TXNDC12: variants seen among roughly 807,000 people sequenced by gnomAD.
TXNDC12 encodes the protein thioredoxin domain-containing protein 12.
A neutral mutation model predicts 24.2 loss-of-function variants in TXNDC12; 22 were observed. That is an observed-to-expected ratio of 0.91 (90% CI 0.65 to 1.30). The LOEUF is 1.30. Among genes scored for constraint, TXNDC12 ranks in the 50% most tolerant of loss-of-function variants. The pLI, the probability that TXNDC12 is intolerant of heterozygous loss-of-function variation, is 0.00. For missense variants in TXNDC12, 184 were observed against 205.8 expected (o/e 0.89, Z 0.65); for synonymous variants, 58 against 73.4 (o/e 0.79, Z 1.07).
chr1:52,025,281 C>T (rs762767399), intron 4 of TXNDC12, among the ~76,000 whole-genome samples: 1 of 150,938 alleles, frequency 6.6e-6, no homozygotes, highest in African/African-American at 2.4e-5. Flanking sequence ...TGCAGTTGTG[C>T]GATCTCGGCC....
chr1:52,033,733 G>T (rs763503707), intron 2 of TXNDC12: 5 of 1,606,716 alleles, frequency 3.1e-6, no homozygotes, highest in Non-Finnish European at 3.4e-6. Context: ...GCCGCTGTAC[G>T]GCAGCCCGCA....
Sources: allele counts gnomAD v4.1 joint callset (sites outside exome capture counted in the v4.1 genomes callset), GRCh38; gene constraint gnomAD v4.1.1; transcripts MANE v1.5; gene names NCBI Gene and HGNC (gene_info 2026-07-23, HGNC 2026-07-21).